CFAP77: variants seen among roughly 807,000 people sequenced by gnomAD.
CFAP77 encodes the protein cilia- and flagella-associated protein 77.
A neutral mutation model predicts 31.1 loss-of-function variants in CFAP77; 25 were observed. That is an observed-to-expected ratio of 0.80 (90% CI 0.59 to 1.12). The LOEUF is 1.12. CFAP77 is among the 50% of genes most tolerant of loss of function. The pLI is 0.00. For missense variants in CFAP77, 377 were observed against 397.3 expected, an observed-to-expected ratio of 0.95 and a Z score of 0.44; for synonymous variants, 151 against 159.9, an observed-to-expected ratio of 0.94 and a Z score of 0.42.
chr9:132,452,288 G>A (rs1224916330), intron 1 of CFAP77, among the ~76,000 whole-genome samples: 1 of 152,214 alleles, frequency 6.6e-6, no homozygotes, highest in Non-Finnish European at 1.5e-5. Flanking sequence ...AGCATCCACT[G>A]CCTTCTCCTA....
chr9:132,570,681 G>A (rs1369880553), intron 5 of CFAP77, among the ~76,000 whole-genome samples: 1 of 152,178 alleles, frequency 6.6e-6, no homozygotes, highest in African/African-American at 2.4e-5. Context: ...GAAGAACATG[G>A]TTATTCCTGG....
At chr9:132,556,409 A>C (rs1852905984) in intron 5 of CFAP77, among the ~76,000 whole-genome samples, 1 of 152,206 alleles carries the variant, frequency 6.6e-6, no homozygotes, top group Non-Finnish European at 1.5e-5. Flanking sequence ...TCTGCAAAGA[A>C]GGGAGGACCC....
At chr9:132,537,777 A>G in intron 4 of CFAP77, 71 bp downstream of exon 4, 1 of 1,160,382 alleles carries the variant, frequency 8.6e-7, no homozygotes, top group Non-Finnish European at 1.3e-6. Flanking sequence ...GCCAGGGCCA[A>G]GCATCGAGAT....
intron 1 of CFAP77, among the ~76,000 whole-genome samples, chr9:132,459,591 A>G (rs965286277): frequency 6.0e-5 from 9 of 149,364 alleles, no homozygotes; most frequent in Non-Finnish European, 1.2e-4. Flanking sequence ...GTGTATGTAT[A>G]TATATATGCC....
chr9:132,519,712 GTAGA>G (rs1852231008), intron 3 of CFAP77, among the ~76,000 whole-genome samples: 1 of 72,764 alleles, frequency 1.4e-5, no homozygotes, highest in Non-Finnish European at 2.7e-5. Flanking sequence ...GGGTGGGTGG[GTAGA>G]TGGATGAATG....
intron 1 of CFAP77, among the ~76,000 whole-genome samples, chr9:132,452,574 T>C (rs945963974): frequency 1.3e-5 from 2 of 152,202 alleles, no homozygotes; most frequent in African/African-American, 4.8e-5. Flanking sequence ...GTGGCTTTTC[T>C]GTTTTACTCC....
intron 1 of CFAP77, among the ~76,000 whole-genome samples, chr9:132,419,176 T>TTATA (rs1353223308): frequency 2.0e-5 from 3 of 152,138 alleles, no homozygotes; most frequent in Non-Finnish European, 4.4e-5. Context: ...TTTTGATCTT[T>TTATA]TATATGAACC....
intron 3 of CFAP77, among the ~76,000 whole-genome samples, chr9:132,525,943 T>C (rs1034031791): frequency 2.6e-5 from 4 of 152,238 alleles, no homozygotes; most frequent in African/African-American, 9.6e-5. Context: ...TGGATGGAAT[T>C]GGATGTTCTT....
intron 5 of CFAP77, among the ~76,000 whole-genome samples, chr9:132,548,286 G>GGGGGGGGGGGGGCCCCC (rs1564248910): frequency 7.8e-6 from 1 of 128,890 alleles, no homozygotes; most frequent in Non-Finnish European, 1.6e-5. Context: ...GGGGGGTGGG[G>GGGGGGGGGGGGGCCCCC]GGTGAAGCTG....
intron 1 of CFAP77, among the ~76,000 whole-genome samples, chr9:132,478,379 G>GT (rs11417735): frequency 0.065 from 9,850 of 152,082 alleles, 857 homozygotes; most frequent in East Asian, 0.41. Context: ...CGCGGCACTG[G>GT]TTCCCCCCAT....
At position 132,542,907 on chromosome 9, in the gene CFAP77, C is replaced by T. The variant is rs199758334; in HGVS notation, c.631-39C>T. 5.4e-5 allele frequency: 82 copies of T among 1,526,752 alleles called. 1 individual carries two copies. Among genetic ancestry groups the T allele is most frequent in the Middle Eastern group, 1.7e-4 (1 of 5,904 alleles). The allele number at this position is 1,526,752 out of a possible 1,614,324, so 94.6% of individuals were successfully genotyped here. A position where few individuals can be genotyped will look rare whatever the true frequency, so the allele number is the denominator to read the frequency against. ...TTCAGCACGGCCTTCTCCAAGTAGC[C>T]GGGCAACCATCTCACCTTTGCCTTT... On this transcript the variant is annotated intron_variant, in intron 4 of 5. Transcript: ENST00000393216.
intron 3 of CFAP77, among the ~76,000 whole-genome samples, chr9:132,505,039 A>G (rs1427400190): frequency 1.3e-5 from 2 of 152,238 alleles, no homozygotes; most frequent in Non-Finnish European, 2.9e-5. Flanking sequence ...CAAAACAAAA[A>G]CAAAATGAGT....
intron 1 of CFAP77, among the ~76,000 whole-genome samples, chr9:132,461,499 C>T (rs1851049449): frequency 1.3e-5 from 2 of 152,338 alleles, no homozygotes; most frequent in South Asian, 4.1e-4. Flanking sequence ...CCCCAGCAGC[C>T]AACTAGGGCA....
chr9:132,530,363 CCT>C (rs201100285), intron 3 of CFAP77, among the ~76,000 whole-genome samples: 2,568 of 151,924 alleles, frequency 0.017, 52 homozygotes, highest in African/African-American at 0.045. Flanking sequence ...GCAACTTCCA[CCT>C]CCCAGGTTCA....
chr9:132,537,613 C>A lies in CFAP77; in HGVS notation c.537C>A (p.Pro179=), dbSNP rs1248031810. 14 of 1,596,080 alleles carry A rather than the reference C, an allele frequency of 8.8e-6. No individual in the cohort carries two copies. The highest frequency in any genetic ancestry group is 1.2e-5 in the Non-Finnish European group (14 of 1,164,900). Residue 179 remains proline (P), a synonymous_variant, in exon 4 of 6, where the codon CCC becomes CCA. Coordinates refer to ENST00000393216, the MANE Select transcript of CFAP77 (RefSeq NM_001282957.2). ...TTCTTCCCTCCAGGCCTTCCACACC[C>A]TTCTTTGATCTGCTGCAGCACCGGT... is the stretch of plus-strand genomic sequence containing the variant. ...TFGIRARPST[P]FFDLLQHRYL...
Position 132,517,763 on chromosome 9 carries a change from GCACA to G in CFAP77, c.524+18168_524+18171del, listed in dbSNP as rs1852173383. Among the ~76,000 whole-genome samples the G allele has an allele frequency of 6.6e-6, 1 of 152,162 alleles. No individual in the cohort carries two copies. The highest frequency in any genetic ancestry group is 1.5e-5 in the Non-Finnish European group (1 of 68,048). ...TCAGAGCTGTCAGCCCTCATCCCCC[GCACA>G]CACAAAGTGTCAGCCTAATGTTTGC... is the stretch of plus-strand genomic sequence containing the variant. On this transcript the variant is annotated intron_variant, in intron 3 of 5. Transcript: ENST00000393216. The surrounding 1 kb of genome is among the most constrained non-coding windows in gnomAD (Gnocchi z 4.7).
intron 1 of CFAP77, among the ~76,000 whole-genome samples, chr9:132,416,212 C>G (rs1278494934): frequency 6.6e-6 from 1 of 151,980 alleles, no homozygotes; most frequent in Non-Finnish European, 1.5e-5. Context: ...TCAAGAATCT[C>G]AGGTTGGCTG....
chr9:132,428,983 T>G (rs1850360071), intron 1 of CFAP77, among the ~76,000 whole-genome samples: 1 of 152,210 alleles, frequency 6.6e-6, no homozygotes, highest in Admixed American at 6.5e-5. Context: ...AACAAGGTAA[T>G]CACTAGAGTG....
chr9:132,538,739 C>A, intron 4 of CFAP77, among the ~76,000 whole-genome samples: 1 of 152,134 alleles, frequency 6.6e-6, no homozygotes, highest in Middle Eastern at 3.4e-3. Context: ...GATTGCACCA[C>A]TTCACTCCAG....
Sources: gnomAD v4.1 joint callset for allele counts (sites outside exome capture counted in the v4.1 genomes callset) on GRCh38, gnomAD v4.1.1 for gene constraint, Gnocchi (gnomAD v3.1) non-coding constraint, MANE v1.5 for transcripts, NCBI Gene and HGNC (gene_info 2026-07-23, HGNC 2026-07-21) for gene names.